PCDH15: variants seen among roughly 807,000 people sequenced by gnomAD.
PCDH15 encodes protocadherin related 15, also known as protocadherin-15.
In PCDH15, 129 loss-of-function variants were observed where a neutral mutation model predicts 178.5. That is an observed-to-expected ratio of 0.72 (90% CI 0.63 to 0.84). The LOEUF (loss-of-function observed/expected upper bound fraction) is 0.84. Ranked by LOEUF, PCDH15 falls within the 40% of genes least tolerant of loss-of-function variation. PCDH15 has a pLI of 0.00. For missense variants in PCDH15, 2,230 were observed against 2,099.9 expected (o/e 1.06, Z -1.21); for synonymous variants, 800 against 732.0 (o/e 1.09, Z -1.50).
At chr10:55,504,628 G>GA (rs911476159) in intron 2 of PCDH15, among the ~76,000 whole-genome samples, 2 of 150,716 alleles carry the variant, frequency 1.3e-5, no homozygotes, top group African/African-American at 4.9e-5. Flanking sequence ...AGAATGAAAA[G>GA]AAAAAAATTC....
intron 2 of PCDH15, among the ~76,000 whole-genome samples, chr10:55,532,638 T>C (rs1353054031): frequency 6.6e-6 from 1 of 152,068 alleles, no homozygotes; most frequent in African/African-American, 2.4e-5. Context: ...AGCTTTGTGT[T>C]CTGGCTGCCT....
At chr10:54,622,066 A>G (rs1319247640) in intron 2 of PCDH15, among the ~76,000 whole-genome samples, 1 of 133,218 alleles carries the variant, frequency 7.5e-6, no homozygotes, top group African/African-American at 2.8e-5. Context: ...AGCTCTTCTT[A>G]TAAGGTGAGT....
At chr10:55,266,775 G>T (rs1322279315) in intron 1 of PCDH15, among the ~76,000 whole-genome samples, 1 of 152,144 alleles carries the variant, frequency 6.6e-6, no homozygotes, top group Non-Finnish European at 1.5e-5. Context: ...GTCTGGCCAA[G>T]GTGGTCAGAG....
At chr10:54,194,958 C>T (rs974446234) in intron 11 of PCDH15, among the ~76,000 whole-genome samples, 7 of 152,120 alleles carry the variant, frequency 4.6e-5, no homozygotes, top group African/African-American at 1.7e-4. Context: ...GCAAATGTGG[C>T]TACAAAGGTT....
intron 1 of PCDH15, among the ~76,000 whole-genome samples, chr10:55,254,985 G>A (rs1016691760): frequency 6.6e-6 from 1 of 151,696 alleles, no homozygotes; most frequent in African/African-American, 2.4e-5. Context: ...AAGTTTTAGG[G>A]TACAGGTGCA....
chr10:55,040,526 A>AACAACAACAACAAC (rs1564740618), intron 2 of PCDH15, among the ~76,000 whole-genome samples: 2 of 128,638 alleles, frequency 1.6e-5, no homozygotes, highest in Non-Finnish European at 3.5e-5. Context: ...ACAACAACAA[A>AACAACAACAACAAC]AACACAGGAG....
intron 1 of PCDH15, among the ~76,000 whole-genome samples, chr10:54,666,447 T>C (rs1304875430): frequency 6.6e-6 from 1 of 151,972 alleles, no homozygotes; most frequent in Non-Finnish European, 1.5e-5. Flanking sequence ...GCTCAGAAGT[T>C]TTCAAGGCAT....
intron 2 of PCDH15, among the ~76,000 whole-genome samples, chr10:55,482,316 C>T (rs1202955351): frequency 1.3e-5 from 2 of 151,454 alleles, no homozygotes; most frequent in African/African-American, 4.8e-5. Context: ...TGGCATTTAG[C>T]CCATCCAGGT....
At chr10:54,115,662 C>G (rs1238930366) in intron 15 of PCDH15, among the ~76,000 whole-genome samples, 1 of 152,226 alleles carries the variant, frequency 6.6e-6, no homozygotes, top group African/African-American at 2.4e-5. Context: ...GAAAGCTTTA[C>G]TTGGACTGCA....
At chr10:54,155,143 C>T (rs536143665) in intron 13 of PCDH15, among the ~76,000 whole-genome samples, 4 of 152,206 alleles carry the variant, frequency 2.6e-5, no homozygotes, top group African/African-American at 9.6e-5. Flanking sequence ...TGATAAATGG[C>T]AATGCATCAA....
intron 2 of PCDH15, among the ~76,000 whole-genome samples, chr10:55,500,743 AAAAGGTG>A (rs1478024013): frequency 1.3e-5 from 2 of 151,840 alleles, no homozygotes; most frequent in Non-Finnish European, 2.9e-5. Context: ...GAACTTAGGT[AAAAGGTG>A]AAATATTTGA....
At chr10:54,856,324 T>C (rs1564573735) in intron 3 of PCDH15, among the ~76,000 whole-genome samples, 2 of 152,082 alleles carry the variant, frequency 1.3e-5, no homozygotes, top group East Asian at 1.9e-4. Context: ...GACATCAACA[T>C]TTTTATTGTA....
chr10:55,257,731 C>G (rs1477006167), intron 1 of PCDH15, among the ~76,000 whole-genome samples: 1 of 151,958 alleles, frequency 6.6e-6, no homozygotes, highest in Non-Finnish European at 1.5e-5. Flanking sequence ...TGTGAAAAGA[C>G]CAAATCTACA....
intron 1 of PCDH15, among the ~76,000 whole-genome samples, chr10:55,261,136 T>G (rs1842137844): frequency 6.6e-6 from 1 of 152,192 alleles, no homozygotes; most frequent in Non-Finnish European, 1.5e-5. Flanking sequence ...TCAAAATTCT[T>G]TAGGCTTCAT....
intron 2 of PCDH15, among the ~76,000 whole-genome samples, chr10:55,086,564 T>A (rs1303893330): frequency 1.3e-5 from 2 of 151,962 alleles, no homozygotes; most frequent in Non-Finnish European, 2.9e-5. Context: ...CTAAATCTGT[T>A]GTATAATGTG....
At chr10:54,585,619 T>G (rs75961761) in intron 2 of PCDH15, 117 of 26,010 alleles carry the variant, frequency 4.5e-3, no homozygotes, top group Admixed American at 7.7e-3. Flanking sequence ...TATGTGTTTT[T>G]TTTTTTTTTA....
At chr10:55,225,650 T>TGAGA (rs56234985) in intron 1 of PCDH15, among the ~76,000 whole-genome samples, 37,305 of 147,962 alleles carry the variant, frequency 0.25, 4,729 homozygotes, top group Middle Eastern at 0.34. Context: ...TGTGTGTGTG[T>TGAGA]GAGAGAGAGA....
At chr10:54,058,384 G>A (rs2093943212) in intron 18 of PCDH15, among the ~76,000 whole-genome samples, 1 of 152,158 alleles carries the variant, frequency 6.6e-6, no homozygotes, top group Non-Finnish European at 1.5e-5. Flanking sequence ...AGGCAAATGA[G>A]GAGCAAAGTC....
chr10:53,826,093 C>T (rs2076662005), intron 32 of PCDH15, among the ~76,000 whole-genome samples: 1 of 151,592 alleles, frequency 6.6e-6, no homozygotes, highest in Non-Finnish European at 1.5e-5. Context: ...TTAACATACT[C>T]AAATAGAATC....
Sources: gnomAD v4.1 joint callset for allele counts (sites outside exome capture counted in the v4.1 genomes callset) on GRCh38, gnomAD v4.1.1 for gene constraint, MANE v1.5 for transcripts, NCBI Gene and HGNC (gene_info 2026-07-23, HGNC 2026-07-21) for gene names.